Variants in GALNT1 observed in about 807,000 individuals in gnomAD.
The protein encoded by GALNT1 is GalNAc transferase 1.
GALNT1 carries 17 observed loss-of-function variants against 65.7 expected under a neutral mutation model. The ratio of observed to expected loss-of-function variants is 0.26; its 90% CI spans 0.18 to 0.39. The LOEUF (loss-of-function observed/expected upper bound fraction) is 0.39, where lower values mean the gene tolerates loss of function less well. Ranked by LOEUF, GALNT1 falls within the 10% of genes least tolerant of loss-of-function variation. GALNT1 has a pLI of 1.00. For synonymous variants in GALNT1, 210 were observed against 219.7 expected (o/e 0.96, Z 0.39); for missense variants, 460 against 672.8 (o/e 0.68, Z 3.50).
chr18:35,692,896 G>T (rs1294880643), intron 9 of GALNT1, among the ~76,000 whole-genome samples: 1 of 152,146 alleles, frequency 6.6e-6, no homozygotes, highest in Non-Finnish European at 1.5e-5. Flanking sequence ...TCTGAAGAAG[G>T]TTGTCACTTC....
chr18:35,596,158 TG>T (rs917084637), intron 1 of GALNT1: 103 of 152,230 alleles, frequency 6.8e-4, no homozygotes, highest in African/African-American at 2.4e-3. Flanking sequence ...TCACAGTCAA[TG>T]GGGGTTTATC....
chr18:35,661,443 T>G (rs1271185948), intron 2 of GALNT1, among the ~76,000 whole-genome samples: 3 of 151,204 alleles, frequency 2.0e-5, no homozygotes, highest in Non-Finnish European at 4.4e-5. Context: ...AAGGTTGCAG[T>G]GAGCCAAGAT....
intron 1 of GALNT1, among the ~76,000 whole-genome samples, chr18:35,612,649 A>AT (rs1170484747): frequency 6.6e-6 from 1 of 152,192 alleles, no homozygotes; most frequent in Admixed American, 6.5e-5. Context: ...GGATCACCAG[A>AT]TGTCAGGCAT....
At chr18:35,618,141 T>A (rs2046808443) in intron 1 of GALNT1, among the ~76,000 whole-genome samples, 1 of 152,120 alleles carries the variant, frequency 6.6e-6, no homozygotes, top group African/African-American at 2.4e-5. Context: ...ATTTTTCTTG[T>A]GCAATGAGAT....
At chr18:35,612,975 T>C (rs998701073) in intron 1 of GALNT1, among the ~76,000 whole-genome samples, 6 of 152,140 alleles carry the variant, frequency 3.9e-5, no homozygotes, top group African/African-American at 1.4e-4. Flanking sequence ...ATCAGTGGTA[T>C]GTTATAGGGA....
rs202049184 is a variant in GALNT1 at position 35,711,021 on chromosome 18, A to C, written c.*1251A>C. ...ATTGGCATTTTTTAATGACTTAGCC[A>C]AAGAAGTGCAGCTATTATTCCATAT... On this transcript the variant is annotated 3_prime_UTR_variant, in exon 12 of 12. Transcript: ENST00000269195. The C allele has an allele frequency of 5.2e-5, 8 of 152,708 alleles. No homozygotes were observed. In the East Asian group the frequency reaches 1.5e-3, roughly 29 times the overall value. 9.5% of individuals were successfully genotyped at this position (152,708 alleles called of 1,614,324 possible). A position where few individuals can be genotyped will look rare whatever the true frequency, so the allele number is the denominator to read the frequency against.
intron 3 of GALNT1, among the ~76,000 whole-genome samples, chr18:35,665,981 C>G (rs921639634): frequency 6.6e-6 from 1 of 152,012 alleles, no homozygotes; most frequent in African/African-American, 2.4e-5. Flanking sequence ...AAGGGAGAGC[C>G]TGAGTGAGAG....
intron 1 of GALNT1, among the ~76,000 whole-genome samples, chr18:35,599,577 G>C (rs1182634091): frequency 2.6e-5 from 4 of 152,072 alleles, no homozygotes; most frequent in African/African-American, 9.7e-5. Flanking sequence ...TCACCAGGCT[G>C]GTCCCAAACT....
At chr18:35,594,594 A>G (rs2046483033) in intron 1 of GALNT1, among the ~76,000 whole-genome samples, 1 of 152,138 alleles carries the variant, frequency 6.6e-6, no homozygotes, top group South Asian at 2.1e-4. Context: ...AGGGTTAGAG[A>G]TTGTATGTAA....
At chr18:35,698,166 A>T (rs989102364) in intron 9 of GALNT1, among the ~76,000 whole-genome samples, 4 of 152,182 alleles carry the variant, frequency 2.6e-5, no homozygotes, top group Admixed American at 1.3e-4. Flanking sequence ...TGTCGGCTAC[A>T]CTGAATTTAA....
chr18:35,650,751 T>C (rs1485092001), intron 1 of GALNT1, among the ~76,000 whole-genome samples: 1 of 152,222 alleles, frequency 6.6e-6, no homozygotes, highest in Non-Finnish European at 1.5e-5. Flanking sequence ...TAAGGTTATC[T>C]TCCTTGTTCC....
chr18:35,652,591 A>G (rs759526018), intron 1 of GALNT1, among the ~76,000 whole-genome samples: 3 of 152,192 alleles, frequency 2.0e-5, no homozygotes, highest in Admixed American at 6.5e-5. Flanking sequence ...TTCAGTGTGA[A>G]CTAACTGAAC....
chr18:35,671,525 T>C (rs1845538178), intron 3 of GALNT1, among the ~76,000 whole-genome samples: 1 of 152,230 alleles, frequency 6.6e-6, no homozygotes, highest in Non-Finnish European at 1.5e-5. Context: ...TGACTTGATA[T>C]ATTTGAACTT....
intron 9 of GALNT1, among the ~76,000 whole-genome samples, chr18:35,698,702 G>A (rs1205262138): frequency 6.6e-6 from 1 of 151,826 alleles, no homozygotes. Flanking sequence ...ACACGGCCAG[G>A]CGCCGGTGGC....
chr18:35,677,844 AT>A, intron 4 of GALNT1, 87 bp downstream of exon 4: 1 of 944,912 alleles, frequency 1.1e-6, no homozygotes, highest in Non-Finnish European at 1.5e-6. Context: ...TAACCTAATA[AT>A]TTTATACAAA....
chr18:35,632,208 T>C (rs1416064588), intron 1 of GALNT1, among the ~76,000 whole-genome samples: 1 of 152,212 alleles, frequency 6.6e-6, no homozygotes, highest in Non-Finnish European at 1.5e-5. Flanking sequence ...ACTTTAAAGT[T>C]CATATGGAGC....
In GALNT1 at chr18:35,683,440, A is replaced by T. The variant is rs1324194881; in HGVS notation, c.531A>T (p.Pro177=). The T allele has an allele frequency of 6.2e-7, 1 of 1,613,662 alleles. No homozygotes were observed. The highest frequency in any genetic ancestry group is 8.5e-7 in the Non-Finnish European group (1 of 1,179,822). Residue 177 remains proline (P), a synonymous_variant, in exon 5 of 12, where the codon CCA becomes CCT. Transcript: ENST00000269195. The part of the protein sequence containing the change: ...LESYVKKLKV[P]VHVIRMEQRS... ...GTTATGTGAAAAAACTAAAAGTACC[A>T]GTTCATGTAATTCGAATGGAACAAC...
intron 4 of GALNT1, among the ~76,000 whole-genome samples, chr18:35,679,835 T>G (rs1045223969): frequency 6.6e-6 from 1 of 152,190 alleles, no homozygotes. Context: ...GCTGTTTGCT[T>G]TTATGTAACT....
At position 35,654,613 on chromosome 18, in the gene GALNT1, G is replaced by T. The variant is rs761912688; in HGVS notation, c.-50G>T. 1.9e-6 allele frequency: 2 copies of T among 1,026,482 alleles called. No individual in the cohort carries two copies. The highest frequency in any genetic ancestry group is 3.8e-5 in the South Asian group (1 of 26,206). 63.6% of individuals were successfully genotyped at this position (1,026,482 alleles called of 1,614,324 possible). On this transcript the variant is annotated 5_prime_UTR_variant, in exon 2 of 12. Coordinates refer to ENST00000269195, the MANE Select transcript of GALNT1 (RefSeq NM_020474.4). ...GATTGGAATAATTTTCATGATCTTTGTATATTTATATATATATATTTTTAA... is the reference window on the plus strand; with the variant it reads ...GATTGGAATAATTTTCATGATCTTTTTATATTTATATATATATATTTTTAA...
Sources: allele counts gnomAD v4.1 joint callset (sites outside exome capture counted in the v4.1 genomes callset), GRCh38; gene constraint gnomAD v4.1.1; transcripts MANE v1.5; gene names NCBI Gene and HGNC (gene_info 2026-07-23, HGNC 2026-07-21).